ARID1B: variants seen among roughly 807,000 people sequenced by gnomAD.
The protein encoded by ARID1B is AT-rich interaction domain 1B.
ARID1B carries 30 observed loss-of-function variants against 212.3 expected under a neutral mutation model. The observed-to-expected ratio is 0.14, with a 90% confidence interval of 0.11 to 0.19. ARID1B has a LOEUF of 0.19. Ranked by LOEUF, ARID1B falls within the 10% of genes least tolerant of loss-of-function variation. The pLI is 1.00. For synonymous variants in ARID1B, 1,402 were observed against 1,301.7 expected (o/e 1.08, Z -1.66); for missense variants, 2,891 against 3,204.0 (o/e 0.90, Z 2.36).
At chr6:157,179,472 A>G (rs1792356331) in intron 11 of ARID1B, among the ~76,000 whole-genome samples, 1 of 152,196 alleles carries the variant, frequency 6.6e-6, no homozygotes, top group South Asian at 2.1e-4. Context: ...TTATAGACAT[A>G]TATATATTCA....
At chr6:156,776,827 C>G (rs1037185238), upstream of ARID1B, 1 of 152,226 alleles carries the variant, frequency 6.6e-6, no homozygotes. Context: ...CTGACCGGGG[C>G]TAACCTTCAT....
At chr6:156,912,281 G>C (rs1223435717) in intron 3 of ARID1B, among the ~76,000 whole-genome samples, 1 of 108,932 alleles carries the variant, frequency 9.2e-6, no homozygotes, top group Admixed American at 9.9e-5. Context: ...TTGTTTAACT[G>C]TTTCTTATGC....
At chr6:157,139,581 C>G (rs1376648862) in intron 7 of ARID1B, among the ~76,000 whole-genome samples, 1 of 152,016 alleles carries the variant, frequency 6.6e-6, no homozygotes, top group African/African-American at 2.4e-5. Flanking sequence ...GACACAGCCT[C>G]TGGAGTGTGC....
chr6:157,056,851 ACTTTTTTTGTTAAAACTTTTCTT>A (rs1366217937), intron 4 of ARID1B, among the ~76,000 whole-genome samples: 294 of 135,738 alleles, frequency 2.2e-3, no homozygotes, highest in African/African-American at 4.6e-3. Flanking sequence ...GCTTTTTTTA[ACTTTTTTTGTTAAAACTTTTCTT>A]CTTTTTTTGT....
Position 156,901,480 on chromosome 6 carries a change from G to T in ARID1B, c.2091G>T (p.Ala697=). 6.2e-7 allele frequency: 1 copy of T among 1,613,874 alleles called. No homozygotes were observed. Among genetic ancestry groups the T allele is most frequent in the Non-Finnish European group, 8.5e-7 (1 of 1,180,000 alleles). ...QPQPPHLPPQ[A]QYLPSQSQQR... ...AGCCCCCGCACCTCCCACCCCAGGC[G>T]CAGTATCTGCCGTCCCAGTCCCAGC... is the stretch of plus-strand genomic sequence containing the variant. The change falls in exon 3 of 20, where the codon GCG becomes GCT. Residue 697 remains alanine, a synonymous_variant. Coordinates refer to ENST00000636930, the MANE Select transcript of ARID1B (RefSeq NM_001374828.1).
intron 2 of ARID1B, among the ~76,000 whole-genome samples, chr6:156,888,067 A>G (rs755342786): frequency 4.6e-5 from 7 of 152,242 alleles, no homozygotes; most frequent in Admixed American, 6.5e-5. Context: ...TTCACTGCAC[A>G]TGTCCCAGTC....
intron 8 of ARID1B, among the ~76,000 whole-genome samples, chr6:157,161,583 A>G (rs1047989050): frequency 4.7e-4 from 71 of 152,182 alleles, no homozygotes; most frequent in African/African-American, 1.7e-3. Context: ...AATCTGTTTC[A>G]CCAGTGATGC....
At chr6:157,087,897 G>C (rs1002565667) in intron 5 of ARID1B, among the ~76,000 whole-genome samples, 2 of 152,068 alleles carry the variant, frequency 1.3e-5, no homozygotes, top group African/African-American at 4.8e-5. Context: ...GTACCCCAGA[G>C]ATTAACAGAA....
At chr6:156,786,468 A>T (rs893192567) in intron 1 of ARID1B, among the ~76,000 whole-genome samples, 1 of 152,218 alleles carries the variant, frequency 6.6e-6, no homozygotes, top group African/African-American at 2.4e-5. Flanking sequence ...GCCTAGTCTC[A>T]TGAACAGGCG....
At chr6:156,978,194 G>GATTC (rs1777382899) in intron 4 of ARID1B, among the ~76,000 whole-genome samples, 2 of 152,172 alleles carry the variant, frequency 1.3e-5, no homozygotes. Context: ...ATTGACCTCT[G>GATTC]ATTCCCAGCT....
At chr6:156,914,739 G>C (rs1472734181) in intron 3 of ARID1B, among the ~76,000 whole-genome samples, 1 of 152,134 alleles carries the variant, frequency 6.6e-6, no homozygotes, top group Non-Finnish European at 1.5e-5. Flanking sequence ...ACAGGCTTTG[G>C]AAAATCAACA....
At chr6:156,984,061 C>T (rs1326064286) in intron 4 of ARID1B, among the ~76,000 whole-genome samples, 5 of 152,040 alleles carry the variant, frequency 3.3e-5, no homozygotes, top group Non-Finnish European at 7.4e-5. Flanking sequence ...TTCTTGGGAT[C>T]AGGAAGTTGG....
chr6:156,990,912 G>C (rs1778239611), intron 4 of ARID1B, among the ~76,000 whole-genome samples: 1 of 152,200 alleles, frequency 6.6e-6, no homozygotes, highest in African/African-American at 2.4e-5. Flanking sequence ...TCACAGCCAA[G>C]ATGATTAATA....
chr6:156,893,433 T>C (rs933721831), intron 2 of ARID1B, among the ~76,000 whole-genome samples: 8 of 152,198 alleles, frequency 5.3e-5, no homozygotes, highest in Non-Finnish European at 1.2e-4. Context: ...ACAGACAAAT[T>C]GGAGTACGTC....
intron 8 of ARID1B, among the ~76,000 whole-genome samples, chr6:157,160,578 A>G (rs2128277254): frequency 6.6e-6 from 1 of 152,294 alleles, no homozygotes; most frequent in East Asian, 1.9e-4. Flanking sequence ...TGTTCTTCCC[A>G]GCATGGCCAG....
At chr6:157,039,826 TTC>T (rs1192741092) in intron 4 of ARID1B, among the ~76,000 whole-genome samples, 3 of 127,774 alleles carry the variant, frequency 2.3e-5, no homozygotes, top group South Asian at 2.5e-4. Context: ...TTTTCTCTCT[TTC>T]TCTCTTTCTT....
intron 3 of ARID1B, 117 bp downstream of exon 3, chr6:156,901,642 T>C (rs1788952883): frequency 3.8e-6 from 5 of 1,311,016 alleles, no homozygotes; most frequent in South Asian, 3.0e-5. Flanking sequence ...AAAATTAGTT[T>C]TGAGAAAATG....
At chr6:156,822,269 A>C (rs1344733723) in intron 1 of ARID1B, among the ~76,000 whole-genome samples, 2 of 152,268 alleles carry the variant, frequency 1.3e-5, no homozygotes, top group Non-Finnish European at 2.9e-5. Context: ...CGAAGTTCCA[A>C]CGTGTTAGTT....
intron 4 of ARID1B, among the ~76,000 whole-genome samples, chr6:157,004,897 CTT>C (rs1177807875): frequency 1.1e-3 from 61 of 54,702 alleles, no homozygotes; most frequent in African/African-American, 3.3e-3. Context: ...CTTCTTTTTT[CTT>C]TTTTTTTTTT....
Sources: gnomAD v4.1 joint callset for allele counts (sites outside exome capture counted in the v4.1 genomes callset) on GRCh38, gnomAD v4.1.1 for gene constraint, MANE v1.5 for transcripts, NCBI Gene and HGNC (gene_info 2026-07-23, HGNC 2026-07-21) for gene names.